The following MAGI2 variants were observed in gnomAD, a reference collection of about 807,000 sequenced individuals.
The protein encoded by MAGI2 is membrane associated guanylate kinase, WW and PDZ domain containing 2.
In MAGI2, 35 loss-of-function variants were observed where a neutral mutation model predicts 133.3. The ratio of observed to expected loss-of-function variants is 0.26; its 90% CI spans 0.20 to 0.35. The LOEUF (loss-of-function observed/expected upper bound fraction) is 0.35. Ranked by LOEUF, MAGI2 falls within the 10% of genes least tolerant of loss-of-function variation. MAGI2 has a pLI of 1.00. For synonymous variants in MAGI2, 729 were observed against 710.6 expected, an observed-to-expected ratio of 1.03 and a Z score of -0.41; for missense variants, 1,636 against 1,863.4, an observed-to-expected ratio of 0.88 and a Z score of 2.25.
intron 2 of MAGI2, among the ~76,000 whole-genome samples, chr7:78,823,564 C>CAG (rs1378811158): frequency 8.4e-6 from 1 of 118,868 alleles, no homozygotes; most frequent in Non-Finnish European, 1.6e-5. Flanking sequence ...GCCTGGGTGA[C>CAG]AGCGAGACTC....
intron 1 of MAGI2, among the ~76,000 whole-genome samples, chr7:79,384,491 T>A (rs892078058): frequency 6.6e-6 from 1 of 151,656 alleles, no homozygotes; most frequent in Admixed American, 6.6e-5. Flanking sequence ...ATATAACTTT[T>A]TCCATTAATT....
At chr7:78,549,799 T>C (rs1799179534) in intron 3 of MAGI2, among the ~76,000 whole-genome samples, 1 of 152,222 alleles carries the variant, frequency 6.6e-6, no homozygotes, top group South Asian at 2.1e-4. Flanking sequence ...AATTTGGACA[T>C]TAAATCCTTT....
At chr7:78,757,971 T>A (rs948330501) in intron 2 of MAGI2, among the ~76,000 whole-genome samples, 1 of 152,294 alleles carries the variant, frequency 6.6e-6, no homozygotes, top group East Asian at 1.9e-4. Context: ...CAAATAAGCA[T>A]GGCAAACAGA....
Position 78,501,800 on chromosome 7 carries a change from A to G in MAGI2, c.755-13T>C. On this transcript the variant is annotated splice_polypyrimidine_tract_variant and intron_variant, in intron 4 of 21. Transcript: ENST00000354212. ...TGTTCACTGGATTCTATAAGAGAAC[A>G]AGAGCACGTGGTTAGTCACTCCAAC... The G allele has an allele frequency of 6.2e-7, 1 of 1,608,818 alleles. No individual in the cohort carries two copies. The highest frequency in any genetic ancestry group is 8.5e-7 in the Non-Finnish European group (1 of 1,176,596).
chr7:78,761,520 T>C (rs1186808861), intron 2 of MAGI2, among the ~76,000 whole-genome samples: 2 of 150,754 alleles, frequency 1.3e-5, no homozygotes, highest in African/African-American at 4.9e-5. Context: ...GGCTGGAGTG[T>C]TGTGGTGTGA....
intron 10 of MAGI2, among the ~76,000 whole-genome samples, chr7:78,207,882 T>C (rs1787264896): frequency 6.6e-6 from 1 of 152,170 alleles, no homozygotes; most frequent in Non-Finnish European, 1.5e-5. Context: ...GTTGTTGTTG[T>C]TTTTTGTTTT....
chr7:79,057,794 A>G (rs1161874087), intron 1 of MAGI2, among the ~76,000 whole-genome samples: 2 of 152,124 alleles, frequency 1.3e-5, no homozygotes, highest in Non-Finnish European at 2.9e-5. Flanking sequence ...AGAGCATGTT[A>G]AAGTATGAGA....
At chr7:78,253,166 C>T (rs896535898) in intron 10 of MAGI2, 4 of 152,090 alleles carry the variant, frequency 2.6e-5, no homozygotes, top group African/African-American at 9.7e-5. Flanking sequence ...CTGAAAACAA[C>T]TCAAATGTCC....
At chr7:78,984,266 C>T (rs978421673) in intron 2 of MAGI2, among the ~76,000 whole-genome samples, 1 of 151,968 alleles carries the variant, frequency 6.6e-6, no homozygotes, top group Non-Finnish European at 1.5e-5. Flanking sequence ...TGCTTCCATT[C>T]CGACTCCTGT....
rs1416723722 is a variant in MAGI2 at position 78,255,951 on chromosome 7, T to C, written c.2039A>G (p.His680Arg). The C allele has an allele frequency of 1.9e-6, 3 of 1,613,704 alleles. No individual in the cohort carries two copies. Among genetic ancestry groups the C allele is most frequent in the Non-Finnish European group, 2.5e-6 (3 of 1,179,926 alleles). The change falls in exon 10 of 22, where the codon CAT becomes CGT. Residue 680 changes from histidine to arginine, a missense_variant. By Grantham distance (29) the His-to-Arg change is conservative. Transcript: ENST00000354212. ...GCCAGTGTTTGTCTTACCTCCTCGATGGATAATCAAAGAAGTTTCACTTCC... is the reference window on the plus strand; with the variant it reads ...GCCAGTGTTTGTCTTACCTCCTCGACGGATAATCAAAGAAGTTTCACTTCC... ...PIGSETSLII[H>R]RGGFFSPWKT...
At chr7:78,477,594 G>T (rs1584316801) in intron 6 of MAGI2, among the ~76,000 whole-genome samples, 2 of 151,928 alleles carry the variant, frequency 1.3e-5, no homozygotes, top group Non-Finnish European at 2.9e-5. Context: ...GAAAGCTCGT[G>T]CAGGGGAACT....
At chr7:79,381,799 C>G (rs529241717) in intron 1 of MAGI2, among the ~76,000 whole-genome samples, 2 of 151,790 alleles carry the variant, frequency 1.3e-5, no homozygotes, top group Admixed American at 6.6e-5. Flanking sequence ...ACAGATATAG[C>G]CTTTCTTTTT....
Position 78,861,294 on chromosome 7 carries a change from C to T in MAGI2, c.418+145796G>A, listed in dbSNP as rs569382866. ...CTCAGTTGGAAATGCAGAAATCACC[C>T]GTCTTCTGCATCGCTCATGCTGGGA... On this transcript the variant is annotated intron_variant, in intron 2 of 21. Transcript: ENST00000354212. Among the ~76,000 whole-genome samples, 162 of 152,176 alleles carry T rather than the reference C, an allele frequency of 1.1e-3. 1 individual carries two copies. The highest frequency in any genetic ancestry group is 3.4e-3 in the African/African-American group (139 of 41,450).
At chr7:78,814,335 AAATAT>A (rs1293362891) in intron 2 of MAGI2, among the ~76,000 whole-genome samples, 1 of 152,202 alleles carries the variant, frequency 6.6e-6, no homozygotes, top group Non-Finnish European at 1.5e-5. Flanking sequence ...AGAAAAAAAT[AAATAT>A]AATAGCGGTA....
chr7:78,060,188 G>T (rs1422511607), intron 21 of MAGI2, among the ~76,000 whole-genome samples: 1 of 150,770 alleles, frequency 6.6e-6, no homozygotes, highest in Non-Finnish European at 1.5e-5. Context: ...TTAACACAGA[G>T]ATACATTACA....
chr7:78,080,475 C>T (rs887365275), intron 20 of MAGI2, among the ~76,000 whole-genome samples: 13 of 152,302 alleles, frequency 8.5e-5, no homozygotes, highest in African/African-American at 3.1e-4. Flanking sequence ...GAATAGTTTG[C>T]CAGAGGCCAT....
intron 21 of MAGI2, among the ~76,000 whole-genome samples, chr7:78,025,348 C>T (rs1044591879): frequency 7.9e-5 from 12 of 152,076 alleles, no homozygotes; most frequent in Admixed American, 1.3e-4. Context: ...GATTTTATTT[C>T]GTTGTAGTAA....
intron 6 of MAGI2, among the ~76,000 whole-genome samples, chr7:78,375,091 C>T (rs1794314384): frequency 6.6e-6 from 1 of 152,102 alleles, no homozygotes; most frequent in South Asian, 2.1e-4. Context: ...TATCCACCTG[C>T]CTTGGCCTCC....
At chr7:78,681,351 G>A (rs1210444470) in intron 2 of MAGI2, among the ~76,000 whole-genome samples, 1 of 151,908 alleles carries the variant, frequency 6.6e-6, no homozygotes, top group African/African-American at 2.4e-5. Context: ...TCATATTCCT[G>A]GTCTGTTATA....
Sources: gnomAD v4.1 joint callset for allele counts (sites outside exome capture counted in the v4.1 genomes callset) on GRCh38, gnomAD v4.1.1 for gene constraint, MANE v1.5 for transcripts, NCBI Gene and HGNC (gene_info 2026-07-23, HGNC 2026-07-21) for gene names.